The following FAF1 variants were observed in gnomAD, a reference collection of about 807,000 sequenced individuals.
The protein encoded by FAF1 is Fas associated factor 1.
A neutral mutation model predicts 92.5 loss-of-function variants in FAF1; 25 were observed. The ratio of observed to expected loss-of-function variants is 0.27; its 90% CI spans 0.20 to 0.38. The LOEUF (loss-of-function observed/expected upper bound fraction) is 0.38, where lower values mean the gene tolerates loss of function less well. FAF1 is among the 10% of genes least tolerant of loss of function. The pLI, the probability that FAF1 is intolerant of heterozygous loss-of-function variation, is 1.00. For synonymous variants in FAF1, 234 were observed against 273.2 expected (o/e 0.86, Z 1.42); for missense variants, 636 against 793.3 (o/e 0.80, Z 2.38).
chr1:50,462,487 T>C (rs1287854683), intron 18 of FAF1, among the ~76,000 whole-genome samples: 1 of 152,162 alleles, frequency 6.6e-6, no homozygotes, highest in Non-Finnish European at 1.5e-5. Context: ...TTGATCTGTA[T>C]TTGTTTATAG....
chr1:50,918,461 C>A (rs1421075349), intron 1 of FAF1, among the ~76,000 whole-genome samples: 1 of 60,352 alleles, frequency 1.7e-5, no homozygotes, highest in African/African-American at 7.0e-5. Flanking sequence ...TTTGTTCTTG[C>A]GATAGTTTAC....
At chr1:50,616,500 T>G (rs1014719699) in intron 8 of FAF1, among the ~76,000 whole-genome samples, 9 of 152,278 alleles carry the variant, frequency 5.9e-5, no homozygotes, top group Admixed American at 1.3e-4. Context: ...ATTTGTCATC[T>G]CTGATTTCTT....
intron 2 of FAF1, among the ~76,000 whole-genome samples, chr1:50,825,234 T>A (rs964774609): frequency 6.6e-6 from 1 of 152,104 alleles, no homozygotes; most frequent in Non-Finnish European, 1.5e-5. Context: ...GTACATTATG[T>A]GTCAATTTCT....
At chr1:50,722,259 G>T (rs1658440859) in intron 6 of FAF1, among the ~76,000 whole-genome samples, 1 of 152,170 alleles carries the variant, frequency 6.6e-6, no homozygotes, top group Admixed American at 6.5e-5. Context: ...GAGACTTTAT[G>T]TTGAGGACCA....
chr1:50,567,397 C>A (rs1299254173), intron 12 of FAF1, among the ~76,000 whole-genome samples, 166 bp from the exon 13 acceptor site: 1 of 151,942 alleles, frequency 6.6e-6, no homozygotes, highest in African/African-American at 2.4e-5. Flanking sequence ...TCTAAAATAT[C>A]AAAAAATTTT....
In FAF1 at chr1:50,637,560, G is replaced by A. The variant is rs557933771; in HGVS notation, c.744+17882C>T. Among the ~76,000 whole-genome samples the A allele has an allele frequency of 2.5e-4, 38 of 151,862 alleles. 2 individuals carry two copies. The South Asian group carries it at 7.7e-3, about 31-fold the overall frequency. ...TAATTTGCCAATTTCTATGAAAAATGCTATTGAGATTTTGATTGGCATTGC... is the reference window on the plus strand; with the variant it reads ...TAATTTGCCAATTTCTATGAAAAATACTATTGAGATTTTGATTGGCATTGC... On this transcript the variant is annotated intron_variant, in intron 8 of 18. Transcript: ENST00000396153.
Position 50,583,589 on chromosome 1 carries a change from C to A in FAF1, c.1031+63G>T. The A allele has an allele frequency of 9.9e-7, 1 of 1,007,628 alleles. No homozygotes were observed. The allele number at this position is 1,007,628 out of a possible 1,614,324, so 62.4% of individuals were successfully genotyped here. ...TTAAACAATCTATAATTAAAATTGC[C>A]CAAGAAAAATCACAGTAGCATAAAA... On this transcript the variant is annotated intron_variant, in intron 11 of 18. Coordinates refer to ENST00000396153, the MANE Select transcript of FAF1 (RefSeq NM_007051.3). This position sits in a 1 kb window ranked among gnomAD's most constrained non-coding sequence, Gnocchi z 4.2.
chr1:50,749,420 C>A (rs1659757343), intron 4 of FAF1, among the ~76,000 whole-genome samples: 1 of 152,104 alleles, frequency 6.6e-6, no homozygotes, highest in African/African-American at 2.4e-5. Flanking sequence ...GACAAATAGC[C>A]TTTTGTTCCA....
chr1:50,621,575 T>A (rs1329301387), intron 8 of FAF1, among the ~76,000 whole-genome samples: 2 of 151,668 alleles, frequency 1.3e-5, no homozygotes, highest in Non-Finnish European at 2.9e-5. Flanking sequence ...TTTTTTTGTA[T>A]TTTTAATAGA....
At chr1:50,710,620 C>G (rs553729333) in intron 6 of FAF1, among the ~76,000 whole-genome samples, 3 of 146,992 alleles carry the variant, frequency 2.0e-5, no homozygotes, top group Non-Finnish European at 4.5e-5. Flanking sequence ...TTTTTTTTTT[C>G]GAGACAGAGT....
intron 2 of FAF1, among the ~76,000 whole-genome samples, chr1:50,846,309 A>C (rs1309210603): frequency 2.0e-5 from 3 of 151,916 alleles, no homozygotes; most frequent in African/African-American, 7.3e-5. Context: ...AAACAGACTC[A>C]TGCATGAGGG....
At chr1:50,924,024 T>C (rs1557591069) in intron 1 of FAF1, among the ~76,000 whole-genome samples, 2 of 152,150 alleles carry the variant, frequency 1.3e-5, no homozygotes, top group Non-Finnish European at 2.9e-5. Context: ...ACATGCCCAC[T>C]TTCACCACTG....
chr1:50,466,853 A>G (rs1215143932), intron 18 of FAF1, among the ~76,000 whole-genome samples: 1 of 152,188 alleles, frequency 6.6e-6, no homozygotes, highest in Non-Finnish European at 1.5e-5. Context: ...CCATATAGAC[A>G]TGGCTTTGTG....
intron 1 of FAF1, among the ~76,000 whole-genome samples, chr1:50,898,634 T>C (rs1644774083): frequency 6.6e-6 from 1 of 152,194 alleles, no homozygotes; most frequent in Non-Finnish European, 1.5e-5. Context: ...TAGGGCATTC[T>C]CCAGGACAGA....
Position 50,726,468 on chromosome 1 carries a change from G to A in FAF1, c.551+12395C>T, listed in dbSNP as rs144163070. Among the ~76,000 whole-genome samples the A allele has an allele frequency of 2.6e-3, 397 of 152,114 alleles. 1 individual carries two copies. The highest frequency in any genetic ancestry group is 9.2e-3 in the African/African-American group (382 of 41,474). ...TCCCAGCACTTTGGGTGGCCGAGGC[G>A]GACAGATCACGAGGTCAGGAGATCA... On this transcript the variant is annotated intron_variant, in intron 6 of 18. Transcript: ENST00000396153.
intron 13 of FAF1, among the ~76,000 whole-genome samples, chr1:50,544,516 C>G (rs1648914785): frequency 6.6e-6 from 1 of 152,196 alleles, no homozygotes; most frequent in Non-Finnish European, 1.5e-5. Context: ...CTTTGTAAGA[C>G]TTTAATCTGT....
intron 5 of FAF1, among the ~76,000 whole-genome samples, chr1:50,740,010 A>C (rs1659320790): frequency 7.7e-6 from 1 of 130,416 alleles, no homozygotes; most frequent in South Asian, 2.3e-4. Flanking sequence ...TTACATCATA[A>C]GCCAGGAAAT....
intron 13 of FAF1, among the ~76,000 whole-genome samples, chr1:50,547,633 C>T (rs1323349971): frequency 2.0e-5 from 3 of 151,888 alleles, no homozygotes; most frequent in South Asian, 2.1e-4. Context: ...AGGCTGGTCT[C>T]GAACTCCTGA....
At chr1:50,655,598 T>TAA in intron 7 of FAF1, 70 bp from the exon 8 acceptor site, 2 of 963,448 alleles carry the variant, frequency 2.1e-6, no homozygotes, top group Non-Finnish European at 3.3e-6. Context: ...AATCAATTTA[T>TAA]GAGACATACA....
Sources: allele counts gnomAD v4.1 joint callset (sites outside exome capture counted in the v4.1 genomes callset), GRCh38; gene constraint gnomAD v4.1.1; non-coding constraint Gnocchi (gnomAD v3.1); transcripts MANE v1.5; gene names NCBI Gene and HGNC (gene_info 2026-07-23, HGNC 2026-07-21).